The following PTPRM variants were observed in gnomAD, a reference collection of about 807,000 sequenced individuals.
The protein encoded by PTPRM is receptor-type tyrosine-protein phosphatase mu.
In PTPRM, 47 loss-of-function variants were observed where a neutral mutation model predicts 186.7. The ratio of observed to expected loss-of-function variants is 0.25; its 90% CI spans 0.20 to 0.32. The LOEUF (loss-of-function observed/expected upper bound fraction) is 0.32, where lower values mean the gene tolerates loss of function less well. Among genes scored for constraint, PTPRM ranks in the 10% least tolerant of loss-of-function variants. PTPRM has a pLI of 1.00. For synonymous variants in PTPRM, 668 were observed against 674.9 expected (o/e 0.99, Z 0.16); for missense variants, 1,494 against 1,865.0 (o/e 0.80, Z 3.66).
chr18:8,247,957 C>T (rs1288834361), intron 16 of PTPRM, 38 bp downstream of exon 16: 1 of 1,501,654 alleles, frequency 6.7e-7, no homozygotes, highest in Non-Finnish European at 9.3e-7. Context: ...CTGCTCTCTC[C>T]TCAGCAGTCA....
At chr18:8,004,313 G>T (rs74444810) in intron 7 of PTPRM, among the ~76,000 whole-genome samples, 1,995 of 152,236 alleles carry the variant, frequency 0.013, 49 homozygotes, top group African/African-American at 0.046. Context: ...TCTAGCCTAT[G>T]TTTTTATGTA....
chr18:8,376,176 C>A lies in PTPRM; in HGVS notation c.3302C>A (p.Ala1101Glu), dbSNP rs1162859448. 6.2e-7 allele frequency: 1 copy of A among 1,612,910 alleles called. No homozygotes were observed. Among genetic ancestry groups the A allele is most frequent in the South Asian group, 1.1e-5 (1 of 91,076 alleles). The change falls in exon 25 of 33, where the codon GCA becomes GAA. Residue 1101 changes from alanine (A) to glutamate (E), a missense_variant. By Grantham distance (107) the Ala-to-Glu change is moderately radical. Around this residue, in one of 3 missense-constraint regions of PTPRM, gnomAD observed 1,107 missense variants for 1,350.2 expected, o/e 0.82. Transcript: ENST00000580170. ...RQVKSKSPPS[A>E]GPLVVHCSAG... is the part of the protein sequence containing the mutation. ...GTCAAGTCCAAGAGCCCGCCCAGTG[C>A]AGGCCCACTGGTGGTGCACTGCAGG... is the stretch of plus-strand genomic sequence containing the variant.
intron 2 of PTPRM, among the ~76,000 whole-genome samples, chr18:7,805,552 C>T (rs1188730030): frequency 6.6e-6 from 1 of 152,182 alleles, no homozygotes; most frequent in Non-Finnish European, 1.5e-5. Flanking sequence ...CTTCTTTTGA[C>T]AGTAGGTTGA....
At chr18:7,638,550 GT>G (rs1458366490) in intron 1 of PTPRM, among the ~76,000 whole-genome samples, 1 of 152,176 alleles carries the variant, frequency 6.6e-6, no homozygotes, top group Non-Finnish European at 1.5e-5. Context: ...GTCTGCCCTA[GT>G]TTTTTAATGA....
At chr18:8,156,960 T>G (rs73389747) in intron 14 of PTPRM, among the ~76,000 whole-genome samples, 6,108 of 152,260 alleles carry the variant, frequency 0.04, 266 homozygotes, top group African/African-American at 0.11. Context: ...TGCTGTATCC[T>G]CTTGTCTGGT....
chr18:7,903,207 T>C (rs897497016), intron 3 of PTPRM, among the ~76,000 whole-genome samples: 15 of 152,198 alleles, frequency 9.9e-5, no homozygotes, highest in Non-Finnish European at 2.1e-4. Flanking sequence ...AATGAATGAA[T>C]GCATGGATGA....
At chr18:7,718,699 C>G (rs914854316) in intron 1 of PTPRM, among the ~76,000 whole-genome samples, 1 of 152,160 alleles carries the variant, frequency 6.6e-6, no homozygotes, top group Non-Finnish European at 1.5e-5. Context: ...CTACAAGGAA[C>G]TCCAACAAAT....
intron 14 of PTPRM, among the ~76,000 whole-genome samples, chr18:8,156,693 G>A (rs1170344654): frequency 6.6e-6 from 1 of 152,096 alleles, no homozygotes; most frequent in Non-Finnish European, 1.5e-5. Context: ...TAAAGCTCAG[G>A]TACTCTTTAT....
At chr18:8,141,910 T>G (rs967584021) in intron 13 of PTPRM, among the ~76,000 whole-genome samples, 11 of 152,232 alleles carry the variant, frequency 7.2e-5, no homozygotes, top group Admixed American at 2.6e-4. Flanking sequence ...TCTTTTTGTA[T>G]AGATTGCTTA....
At chr18:8,295,680 AG>A (rs1168111197) in intron 19 of PTPRM, among the ~76,000 whole-genome samples, 2 of 152,236 alleles carry the variant, frequency 1.3e-5, no homozygotes, top group Non-Finnish European at 2.9e-5. Flanking sequence ...GGTAAAATGT[AG>A]TGTGAACTAA....
chr18:7,910,742 A>G (rs2050220209), intron 4 of PTPRM, among the ~76,000 whole-genome samples: 1 of 152,220 alleles, frequency 6.6e-6, no homozygotes. Flanking sequence ...GGAGGGGACC[A>G]GTCAGAGGTA....
intron 1 of PTPRM, among the ~76,000 whole-genome samples, chr18:7,648,558 G>A (rs1166397433): frequency 6.6e-6 from 1 of 152,202 alleles, no homozygotes; most frequent in African/African-American, 2.4e-5. Context: ...TACAGTGAAC[G>A]AATGATAAGA....
intron 7 of PTPRM, among the ~76,000 whole-genome samples, chr18:7,966,491 CCCAG>C (rs2054065205): frequency 6.6e-6 from 1 of 151,950 alleles, no homozygotes; most frequent in Non-Finnish European, 1.5e-5. Context: ...GTCTACAGCT[CCCAG>C]CGTGAGCGAC....
intron 1 of PTPRM, among the ~76,000 whole-genome samples, chr18:7,633,382 T>C (rs1163162598): frequency 6.6e-6 from 1 of 152,216 alleles, no homozygotes; most frequent in South Asian, 2.1e-4. Flanking sequence ...CATCTTTGGA[T>C]GGCTGTGTCT....
At chr18:8,085,520 A>T (rs1483475609) in intron 9 of PTPRM, 151 bp from the exon 10 acceptor site, 1 of 682,682 alleles carries the variant, frequency 1.5e-6, no homozygotes, top group Non-Finnish European at 2.5e-6. Context: ...GAGTTCCTTC[A>T]TCCCTTCAGT....
chr18:8,027,264 C>A (rs1307010193), intron 7 of PTPRM, among the ~76,000 whole-genome samples: 3 of 152,158 alleles, frequency 2.0e-5, no homozygotes, highest in Non-Finnish European at 4.4e-5. Flanking sequence ...ATAATTCAAT[C>A]TTTTTATTAT....
chr18:7,644,414 C>G (rs995925298), intron 1 of PTPRM, among the ~76,000 whole-genome samples: 1 of 152,120 alleles, frequency 6.6e-6, no homozygotes, highest in Admixed American at 6.5e-5. Flanking sequence ...ATGCTAAACA[C>G]AGTAGAATTG....
chr18:7,641,107 C>T (rs1012895975), intron 1 of PTPRM, among the ~76,000 whole-genome samples: 5 of 152,100 alleles, frequency 3.3e-5, no homozygotes, highest in Admixed American at 6.5e-5. Context: ...CTCTTTGTCC[C>T]GGAGCTAAAG....
chr18:8,264,557 T>A (rs1200418826), intron 19 of PTPRM, among the ~76,000 whole-genome samples: 1 of 151,898 alleles, frequency 6.6e-6, no homozygotes, highest in Admixed American at 6.6e-5. Flanking sequence ...GATCATGAGG[T>A]CAGGAGATCG....
Sources: allele counts gnomAD v4.1 joint callset (sites outside exome capture counted in the v4.1 genomes callset), GRCh38; gene constraint gnomAD v4.1.1; regional missense constraint gnomAD v4.1.1; transcripts MANE v1.5; gene names NCBI Gene and HGNC (gene_info 2026-07-23, HGNC 2026-07-21).